C12orf50: variants seen among roughly 807,000 people sequenced by gnomAD.
C12orf50 encodes uncharacterized protein C12orf50.
A neutral mutation model predicts 61.6 loss-of-function variants in C12orf50; 35 were observed. The ratio of observed to expected loss-of-function variants is 0.57; its 90% CI spans 0.43 to 0.75. The LOEUF is 0.75. C12orf50 is among the 30% of genes least tolerant of loss of function. The pLI, the probability that C12orf50 is intolerant of heterozygous loss-of-function variation, is 0.00. For synonymous variants in C12orf50, 178 were observed against 161.5 expected, an observed-to-expected ratio of 1.10 and a Z score of -0.77; for missense variants, 475 against 488.5, an observed-to-expected ratio of 0.97 and a Z score of 0.26.
intron 12 of C12orf50, 30 bp downstream of exon 12, chr12:87,983,073 G>T (rs1395410098): frequency 1.6e-6 from 2 of 1,287,384 alleles, no homozygotes; most frequent in South Asian, 1.3e-5. Flanking sequence ...AGAATTGCAT[G>T]ATACATTAAA....
At chr12:87,989,118 G>A in intron 8 of C12orf50, 146 bp downstream of exon 8, 1 of 576,134 alleles carries the variant, frequency 1.7e-6, no homozygotes, top group Non-Finnish European at 3.0e-6. Flanking sequence ...GGCAGAGCCA[G>A]GACTGGAACC....
chr12:88,021,331 A>G (rs902057922), intron 3 of C12orf50, among the ~76,000 whole-genome samples: 2 of 151,792 alleles, frequency 1.3e-5, no homozygotes, highest in African/African-American at 4.8e-5. Flanking sequence ...ATCCAAGTAA[A>G]CACAATTAGA....
Position 88,022,079 on chromosome 12 carries a change from G to C in C12orf50, c.133+4409C>G, listed in dbSNP as rs184758933. The stretch of plus-strand genomic sequence containing the variant: ...CAGGCCAATATTCTCAGTGAACACA[G>C]ATGTCAAAATCCTCAACAAAATACT... On this transcript the variant is annotated intron_variant, in intron 3 of 12. Coordinates refer to ENST00000298699, the MANE Select transcript of C12orf50 (RefSeq NM_152589.3). 2.0e-3 allele frequency among the ~76,000 whole-genome samples: 302 copies of C among 150,932 alleles called. 2 individuals carry two copies. Among genetic ancestry groups the C allele is most frequent in the South Asian group, 5.1e-3 (24 of 4,752 alleles).
chr12:88,003,496 C>T (rs2031732631), intron 3 of C12orf50, among the ~76,000 whole-genome samples: 1 of 152,032 alleles, frequency 6.6e-6, no homozygotes, highest in Non-Finnish European at 1.5e-5. Flanking sequence ...GGTAGACAAA[C>T]TGGCAACAAA....
In C12orf50 at chr12:88,019,133, G is replaced by A. The variant is rs1382466757; in HGVS notation, c.133+7355C>T. 2.6e-5 allele frequency among the ~76,000 whole-genome samples: 4 copies of A among 152,226 alleles called. No homozygotes were observed. In the South Asian group the frequency reaches 6.2e-4, roughly 24 times the overall value. On this transcript the variant is annotated intron_variant, in intron 3 of 12. Coordinates refer to ENST00000298699, the MANE Select transcript of C12orf50 (RefSeq NM_152589.3). ...CCCCACCCAAATCTCATCTTGAATT[G>A]TAACTCCCACAATTCCCATATGTTG...
chr12:87,986,562 C>G, intron 9 of C12orf50, 146 bp from the exon 10 acceptor site: 1 of 465,778 alleles, frequency 2.1e-6, no homozygotes, highest in East Asian at 3.5e-5. Flanking sequence ...CTTTTTAGAA[C>G]AAAAGGTGAT....
chr12:88,015,609 C>T (rs909010831), intron 3 of C12orf50, among the ~76,000 whole-genome samples: 2 of 152,166 alleles, frequency 1.3e-5, no homozygotes, highest in African/African-American at 4.8e-5. Context: ...AGAGATTACA[C>T]TAACTTCTAG....
intron 3 of C12orf50, among the ~76,000 whole-genome samples, chr12:88,006,788 T>C (rs1160336707): frequency 6.6e-6 from 1 of 152,198 alleles, no homozygotes; most frequent in Admixed American, 6.5e-5. Flanking sequence ...AAAGGTACTA[T>C]AGTTCTTGAC....
Position 87,998,091 on chromosome 12 carries a change from T to C in C12orf50, c.233A>G (p.His78Arg), listed in dbSNP as rs1407951023. The C allele has an allele frequency of 1.2e-6, 2 of 1,613,000 alleles. No individual in the cohort carries two copies. The highest frequency in any genetic ancestry group is 2.7e-5 in the African/African-American group (2 of 75,008). ...PQENISRPIH[H>R]PLVLKTNFEE... ...AAAATTAGTTTTTAAAACTAAAGGA[T>C]GGTGGATGGGTCGTGATATATTTTC... Residue 78 changes from histidine to arginine, a missense_variant, in exon 4 of 13, where the codon CAT becomes CGT. By Grantham distance (29) the His-to-Arg change is conservative. Coordinates refer to ENST00000298699, the MANE Select transcript of C12orf50 (RefSeq NM_152589.3).
Position 87,986,323 on chromosome 12 carries a change from C to G in C12orf50, c.911G>C (p.Gly304Ala). Residue 304 changes from glycine (G) to alanine (A), a missense_variant, in exon 10 of 13, where the codon GGA becomes GCA. Physicochemically the swap from Gly to Ala is moderately conservative, Grantham distance 60. Coordinates refer to ENST00000298699, the MANE Select transcript of C12orf50 (RefSeq NM_152589.3). Reference protein sequence around the residue: ...YDEPQNFPNSGMQRAVQAPRP... With the variant: ...YDEPQNFPNSAMQRAVQAPRP... ...TATAGACACCTTACCTCTCTGCATT[C>G]CAGAGTTAGGAAAGTTCTGTGGTTC... 1 of 1,598,080 alleles carries G rather than the reference C, an allele frequency of 6.3e-7. No individual in the cohort carries two copies. The highest frequency in any genetic ancestry group is 8.5e-7 in the Non-Finnish European group (1 of 1,170,984).
intron 7 of C12orf50, among the ~76,000 whole-genome samples, chr12:87,991,130 G>A (rs909308095): frequency 4.6e-5 from 7 of 152,040 alleles, no homozygotes; most frequent in Non-Finnish European, 8.8e-5. Flanking sequence ...TATCATCTAC[G>A]GCATCATCCC....
chr12:87,985,881 A>G lies in C12orf50; in HGVS notation c.1095T>C (p.Ala365=), dbSNP rs372651682. ...TGAGGTTGGGTTTGGGTTCCCTGTTAGCATGGACTTTATTGTAGGACCCAT... is the reference window on the plus strand; with the variant it reads ...TGAGGTTGGGTTTGGGTTCCCTGTTGGCATGGACTTTATTGTAGGACCCAT... The part of the protein sequence containing the change: ...PTHGSYNKVH[A]NREPKPNLSP... The change falls in exon 11 of 13, where the codon GCT becomes GCC. Residue 365 remains alanine (A), a synonymous_variant. Transcript: ENST00000298699. The G allele has an allele frequency of 6.2e-7, 1 of 1,613,320 alleles. No individual in the cohort carries two copies. The highest frequency in any genetic ancestry group is 1.3e-5 in the African/African-American group (1 of 75,014).
At chr12:88,021,047 G>A (rs1276004455) in intron 3 of C12orf50, among the ~76,000 whole-genome samples, 2 of 152,008 alleles carry the variant, frequency 1.3e-5, no homozygotes, top group Non-Finnish European at 2.9e-5. Flanking sequence ...GTATTAAGAG[G>A]GAAGTTTATA....
intron 3 of C12orf50, among the ~76,000 whole-genome samples, chr12:88,026,184 G>T (rs7295002): frequency 0.088 from 13,330 of 152,006 alleles, 1,454 homozygotes; most frequent in African/African-American, 0.26. Flanking sequence ...GCGATACTTT[G>T]CTGAGACACA....
intron 3 of C12orf50, among the ~76,000 whole-genome samples, chr12:88,019,549 C>T (rs1453222402): frequency 1.3e-5 from 2 of 151,822 alleles, no homozygotes; most frequent in African/African-American, 4.8e-5. Context: ...AATAGAGTCT[C>T]TTGTTACATT....
At position 87,985,921 on chromosome 12, in the gene C12orf50, C is replaced by A; in HGVS notation, c.1055G>T (p.Arg352Leu). 17 of 1,613,774 alleles carry A rather than the reference C, an allele frequency of 1.1e-5. No individual in the cohort carries two copies. Among genetic ancestry groups the A allele is most frequent in the Non-Finnish European group, 1.4e-5 (17 of 1,179,870 alleles). Reference protein sequence around the residue: ...VRTVALNAPSRSRPTHGSYNK... With the variant: ...VRTVALNAPSLSRPTHGSYNK... ...GTAGGACCCATGCGTGGGCCTGCTG[C>A]GGGAAGGTGCATTCAACGCGACAGT... Residue 352 changes from arginine (R) to leucine (L), a missense_variant, in exon 11 of 13, where the codon CGC becomes CTC. Coordinates refer to ENST00000298699, the MANE Select transcript of C12orf50 (RefSeq NM_152589.3).
At chr12:87,991,138 C>G (rs2031102763) in intron 7 of C12orf50, among the ~76,000 whole-genome samples, 1 of 152,092 alleles carries the variant, frequency 6.6e-6, no homozygotes, top group South Asian at 2.1e-4. Context: ...ACGGCATCAT[C>G]CCTAATAAAG....
At chr12:88,020,341 T>C (rs2032469090) in intron 3 of C12orf50, among the ~76,000 whole-genome samples, 1 of 152,012 alleles carries the variant, frequency 6.6e-6, no homozygotes, top group Non-Finnish European at 1.5e-5. Context: ...AATAAAGAAA[T>C]TGTGAAAAAT....
At chr12:88,029,092 A>G (rs1207029572) in intron 1 of C12orf50, 2 of 1,287,312 alleles carry the variant, frequency 1.6e-6, no homozygotes. Context: ...ATTAAAAAAG[A>G]AATAGCAGTC....
Sources: allele counts gnomAD v4.1 joint callset (sites outside exome capture counted in the v4.1 genomes callset), GRCh38; gene constraint gnomAD v4.1.1; transcripts MANE v1.5; gene names NCBI Gene and HGNC (gene_info 2026-07-23, HGNC 2026-07-21).